KCNIP4: variants seen among roughly 807,000 people sequenced by gnomAD.
The protein encoded by KCNIP4 is potassium voltage-gated channel interacting protein 4.
Under a neutral mutation model 34.0 loss-of-function variants are expected in KCNIP4, and 12 were observed. That is an observed-to-expected ratio of 0.35 (90% CI 0.23 to 0.57). KCNIP4 has a LOEUF of 0.57. Ranked by LOEUF, KCNIP4 falls within the 20% of genes least tolerant of loss-of-function variation. KCNIP4 has a pLI of 0.83. For synonymous variants in KCNIP4, 124 were observed against 102.2 expected, an observed-to-expected ratio of 1.21 and a Z score of -1.29; for missense variants, 238 against 311.7, an observed-to-expected ratio of 0.76 and a Z score of 1.78.
intron 3 of KCNIP4, among the ~76,000 whole-genome samples, chr4:20,818,920 C>CTTTTTTTT (rs11382765): frequency 4.8e-5 from 5 of 104,958 alleles, no homozygotes; most frequent in Middle Eastern, 7.2e-3. Flanking sequence ...TATATTATCT[C>CTTTTTTTT]TTTTTTTTTT....
intron 1 of KCNIP4, among the ~76,000 whole-genome samples, chr4:21,168,635 CAAAG>C (rs1753802639): frequency 6.6e-6 from 1 of 152,056 alleles, no homozygotes; most frequent in Non-Finnish European, 1.5e-5. Flanking sequence ...ACTCAACAAC[CAAAG>C]AAAGATTAGG....
chr4:21,200,410 G>A (rs1038208085), intron 1 of KCNIP4, among the ~76,000 whole-genome samples: 7 of 54,328 alleles, frequency 1.3e-4, no homozygotes, highest in Non-Finnish European at 2.0e-4. Context: ...ACATATATGT[G>A]TGTATATATA....
At chr4:21,018,545 A>G (rs2149743828) in intron 1 of KCNIP4, among the ~76,000 whole-genome samples, 1 of 152,258 alleles carries the variant, frequency 6.6e-6, no homozygotes, top group Non-Finnish European at 1.5e-5. Context: ...TCTAGGCAAC[A>G]TGGAACTCCT....
At chr4:21,715,846 T>A in intron 1 of KCNIP4, among the ~76,000 whole-genome samples, 1 of 152,252 alleles carries the variant, frequency 6.6e-6, no homozygotes, top group East Asian at 1.9e-4. Flanking sequence ...TGGTTTTCAA[T>A]CTTTTCTTTG....
At chr4:21,539,081 C>G (rs1737465899) in intron 1 of KCNIP4, among the ~76,000 whole-genome samples, 1 of 152,164 alleles carries the variant, frequency 6.6e-6, no homozygotes, top group Admixed American at 6.5e-5. Context: ...GAAGCAAGGA[C>G]TTGCTTCTCC....
intron 1 of KCNIP4, among the ~76,000 whole-genome samples, chr4:21,449,636 G>GTATATATA (rs200001446): frequency 2.0e-5 from 3 of 147,426 alleles, no homozygotes; most frequent in African/African-American, 7.5e-5. Flanking sequence ...TTATATATAT[G>GTATATATA]TATATATATA....
chr4:20,729,075 G>GTTTGTTC lies in KCNIP4; in HGVS notation c.*1000_*1006dup, dbSNP rs1747000216. On this transcript the variant is annotated 3_prime_UTR_variant, in exon 9 of 9. Transcript: ENST00000382152. ...ATTTTGCTTGCTAATTTTGCTTGCTGTTTGTTCTTAGTAGACAGTGGGGTA... is the reference window on the plus strand; with the variant it reads ...ATTTTGCTTGCTAATTTTGCTTGCTGTTTGTTCTTTGTTCTTAGTAGACAGTGGGGTA... 1 of 151,026 alleles carries GTTTGTTC rather than the reference G, an allele frequency of 6.6e-6. No individual in the cohort carries two copies. Among genetic ancestry groups the GTTTGTTC allele is most frequent in the Non-Finnish European group, 1.5e-5 (1 of 67,772 alleles). 9.4% of individuals were successfully genotyped at this position (151,026 alleles called of 1,614,324 possible).
At chr4:20,911,580 T>C (rs1481343855) in intron 1 of KCNIP4, among the ~76,000 whole-genome samples, 2 of 152,212 alleles carry the variant, frequency 1.3e-5, no homozygotes, top group African/African-American at 4.8e-5. Context: ...TTTTAAAAGA[T>C]GAGTGCAGTA....
chr4:21,257,242 C>T (rs768921745), intron 1 of KCNIP4, among the ~76,000 whole-genome samples: 3 of 152,164 alleles, frequency 2.0e-5, no homozygotes, highest in African/African-American at 4.8e-5. Context: ...CGATTTGAGA[C>T]GTCTCTTGAG....
rs367755707 is a variant in KCNIP4, at chr4:21,350,119, T to C, written c.62-467410A>G. 2.6e-5 allele frequency among the ~76,000 whole-genome samples: 4 copies of C among 152,258 alleles called. No individual in the cohort carries two copies. In the East Asian group the frequency reaches 5.8e-4, roughly 22 times the overall value. On this transcript the variant is annotated intron_variant, in intron 1 of 8. Coordinates refer to ENST00000382152, the MANE Select transcript of KCNIP4 (RefSeq NM_025221.6). ...ATTAATAAAGTAAATTATTCACCAA[T>C]TTTGGTATGTTATCATTAGTAATAA...
At chr4:21,634,208 T>C (rs1745957197) in intron 1 of KCNIP4, among the ~76,000 whole-genome samples, 1 of 118,474 alleles carries the variant, frequency 8.4e-6, no homozygotes, top group African/African-American at 3.2e-5. Context: ...TTAGGAAAGC[T>C]ACGGGTTCTT....
intron 1 of KCNIP4, among the ~76,000 whole-genome samples, chr4:21,923,970 GT>G (rs1729086292): frequency 6.6e-6 from 1 of 152,144 alleles, no homozygotes; most frequent in Non-Finnish European, 1.5e-5. Context: ...TTTTGTCATG[GT>G]GCCACAGAAG....
chr4:21,899,922 A>G (rs530714706), intron 1 of KCNIP4, among the ~76,000 whole-genome samples: 1 of 152,168 alleles, frequency 6.6e-6, no homozygotes, highest in South Asian at 2.1e-4. Context: ...ATTCTTCACC[A>G]AATTAATATG....
At chr4:21,419,792 G>T (rs1442830766) in intron 1 of KCNIP4, among the ~76,000 whole-genome samples, 1 of 152,130 alleles carries the variant, frequency 6.6e-6, no homozygotes, top group African/African-American at 2.4e-5. Flanking sequence ...GGAATGTGTA[G>T]AAGAGATTTA....
intron 1 of KCNIP4, among the ~76,000 whole-genome samples, chr4:21,836,041 T>A (rs150010874): frequency 9.1e-4 from 138 of 152,150 alleles, no homozygotes; most frequent in African/African-American, 3.1e-3. Context: ...AGGGCAAAAT[T>A]AAGCCAAAAT....
Position 21,825,046 on chromosome 4 carries a change from C to T in KCNIP4, c.61+123525G>A, listed in dbSNP as rs115850142. On this transcript the variant is annotated intron_variant, in intron 1 of 8. Coordinates refer to ENST00000382152, the MANE Select transcript of KCNIP4 (RefSeq NM_025221.6). ...TTTCACAAAAAAAGCAAATAGAAGA[C>T]GATGTTTCTGATGTTAATTTTGGTA... is the stretch of plus-strand genomic sequence containing the variant. 4.3e-3 allele frequency among the ~76,000 whole-genome samples: 651 copies of T among 152,060 alleles called. 3 individuals are homozygous for T. The highest frequency in any genetic ancestry group is 0.014 in the African/African-American group (597 of 41,476).
intron 1 of KCNIP4, among the ~76,000 whole-genome samples, chr4:21,741,695 G>A (rs1382384169): frequency 6.6e-6 from 1 of 152,062 alleles, no homozygotes; most frequent in Non-Finnish European, 1.5e-5. Context: ...TTGAAACACT[G>A]GGATTTAAAG....
At chr4:21,311,629 C>T (rs570880402) in intron 1 of KCNIP4, among the ~76,000 whole-genome samples, 4 of 152,014 alleles carry the variant, frequency 2.6e-5, no homozygotes, top group African/African-American at 9.6e-5. Context: ...ATGGAGGTTG[C>T]AGTGAGCCGA....
At chr4:21,380,042 A>G (rs1282908651) in intron 1 of KCNIP4, among the ~76,000 whole-genome samples, 3 of 152,110 alleles carry the variant, frequency 2.0e-5, no homozygotes, top group African/African-American at 4.8e-5. Flanking sequence ...TCATATCACC[A>G]TAGTTGCTAT....
Sources: allele counts gnomAD v4.1 joint callset (sites outside exome capture counted in the v4.1 genomes callset), GRCh38; gene constraint gnomAD v4.1.1; transcripts MANE v1.5; gene names NCBI Gene and HGNC (gene_info 2026-07-23, HGNC 2026-07-21).